The following EPHA4 variants were observed in gnomAD, a reference collection of about 807,000 sequenced individuals.
EPHA4 encodes the protein EPH receptor A4.
In EPHA4, 19 loss-of-function variants were observed where a neutral mutation model predicts 108.3. The ratio of observed to expected loss-of-function variants is 0.18; its 90% CI spans 0.12 to 0.26. The LOEUF is 0.26. Ranked by LOEUF, EPHA4 falls within the 10% of genes least tolerant of loss-of-function variation. The pLI, the probability that EPHA4 is intolerant of heterozygous loss-of-function variation, is 1.00. For missense variants in EPHA4, 917 were observed against 1,254.0 expected, an observed-to-expected ratio of 0.73 and a Z score of 4.06; for synonymous variants, 449 against 455.5, an observed-to-expected ratio of 0.99 and a Z score of 0.18.
At chr2:221,472,877 C>T (rs886361339) in intron 5 of EPHA4, among the ~76,000 whole-genome samples, 2 of 152,140 alleles carry the variant, frequency 1.3e-5, no homozygotes, top group Non-Finnish European at 2.9e-5. Context: ...AACCACAGTA[C>T]AGTTCGTTTA....
chr2:221,440,498 G>A (rs926356148), intron 11 of EPHA4, among the ~76,000 whole-genome samples: 4 of 152,060 alleles, frequency 2.6e-5, no homozygotes, highest in Admixed American at 2.0e-4. Context: ...ACAGGCAACA[G>A]AAAAATATCC....
In EPHA4 at chr2:221,455,571, A is replaced by G; in HGVS notation, c.1691T>C (p.Ile564Thr). The change falls in exon 8 of 18, where the codon ATT (isoleucine) becomes ACT (threonine). Residue 564 changes from isoleucine to threonine, a missense_variant. Around this residue, in one of 3 missense-constraint regions of EPHA4, gnomAD observed 758 missense variants for 1,076.7 expected, o/e 0.70. Transcript: ENST00000281821. ...CCTCCGGCTGATGACAAAAGCTGCA[A>G]TGAGAATTACCACCAGCACCACACT... Reference protein sequence around the residue: ...SGSVVLVVILIAAFVISRRRS... With the variant: ...SGSVVLVVILTAAFVISRRRS... 1.2e-6 allele frequency: 2 copies of G among 1,613,954 alleles called. No individual in the cohort carries two copies. The highest frequency in any genetic ancestry group is 1.1e-5 in the South Asian group (1 of 91,076).
intron 3 of EPHA4, among the ~76,000 whole-genome samples, chr2:221,522,983 G>T (rs1018293216): frequency 6.6e-6 from 1 of 151,916 alleles, no homozygotes; most frequent in Non-Finnish European, 1.5e-5. Context: ...AATTGGTCTC[G>T]AATTCCTGAC....
chr2:221,501,292 C>A, intron 3 of EPHA4, 120 bp from the exon 4 acceptor site: 6 of 882,650 alleles, frequency 6.8e-6, no homozygotes, highest in Non-Finnish European at 9.7e-6. Flanking sequence ...CATTAGCGAT[C>A]ATGTGGCTTG....
chr2:221,493,656 G>A (rs748355367), intron 4 of EPHA4, among the ~76,000 whole-genome samples: 16 of 152,144 alleles, frequency 1.1e-4, no homozygotes, highest in Non-Finnish European at 2.2e-4. Flanking sequence ...AGCATTAGCA[G>A]CGAGGGCTTT....
chr2:221,460,257 A>G (rs1237904975), intron 5 of EPHA4, among the ~76,000 whole-genome samples: 2 of 152,206 alleles, frequency 1.3e-5, no homozygotes, highest in African/African-American at 4.8e-5. Context: ...ATAAGGAGAG[A>G]CTGAAAGAGA....
At chr2:221,435,937 C>CAA (rs11419419) in intron 13 of EPHA4, among the ~76,000 whole-genome samples, 330 of 138,048 alleles carry the variant, frequency 2.4e-3, no homozygotes, top group South Asian at 0.01. Context: ...AAAACAACAA[C>CAA]AAAAAAAAAA....
At chr2:221,503,997 A>G (rs192231132) in intron 3 of EPHA4, among the ~76,000 whole-genome samples, 1 of 152,348 alleles carries the variant, frequency 6.6e-6, no homozygotes, top group East Asian at 1.9e-4. Context: ...ACTTACTAGC[A>G]TCTGAAAACT....
intron 8 of EPHA4, among the ~76,000 whole-genome samples, chr2:221,453,742 T>C (rs1402703562): frequency 6.6e-6 from 1 of 152,224 alleles, no homozygotes; most frequent in East Asian, 1.9e-4. Flanking sequence ...TATTCATAGA[T>C]TGTGCATGAA....
chr2:221,470,976 T>A (rs991116304), intron 5 of EPHA4, among the ~76,000 whole-genome samples: 3 of 152,098 alleles, frequency 2.0e-5, no homozygotes, highest in Admixed American at 6.6e-5. Flanking sequence ...ATTGTATTTT[T>A]ATTTTATTTT....
chr2:221,509,199 C>G (rs1226898769), intron 3 of EPHA4, among the ~76,000 whole-genome samples: 1 of 152,028 alleles, frequency 6.6e-6, no homozygotes, highest in African/African-American at 2.4e-5. Flanking sequence ...GTGGTGGCCC[C>G]TGCCTGTAAT....
intron 17 of EPHA4, among the ~76,000 whole-genome samples, chr2:221,422,340 A>G (rs868776906): frequency 1.3e-5 from 2 of 152,346 alleles, no homozygotes; most frequent in Admixed American, 1.3e-4. Flanking sequence ...GCTAGAGTGT[A>G]TTCCACGTCC....
intron 3 of EPHA4, among the ~76,000 whole-genome samples, chr2:221,534,966 C>T (rs1259505722): frequency 2.0e-5 from 3 of 152,244 alleles, no homozygotes; most frequent in Non-Finnish European, 4.4e-5. Context: ...TTCTAGCTGT[C>T]TGGGATTAAC....
intron 17 of EPHA4, among the ~76,000 whole-genome samples, chr2:221,422,493 A>G (rs1689787761): frequency 6.6e-6 from 1 of 152,202 alleles, no homozygotes; most frequent in South Asian, 2.1e-4. Flanking sequence ...ATATTACATA[A>G]ATATATTTGT....
chr2:221,543,529 A>C (rs1693898067), intron 3 of EPHA4, among the ~76,000 whole-genome samples: 1 of 152,134 alleles, frequency 6.6e-6, no homozygotes, highest in African/African-American at 2.4e-5. Context: ...TTTTTTACTA[A>C]ACCTGATAAC....
intron 3 of EPHA4, among the ~76,000 whole-genome samples, chr2:221,527,199 T>C (rs1276645637): frequency 1.3e-5 from 2 of 152,130 alleles, no homozygotes; most frequent in Non-Finnish European, 2.9e-5. Context: ...TTGTGGAAAT[T>C]GGATAAATTC....
Position 221,434,224 on chromosome 2 carries a change from C to T in EPHA4, c.2414G>A (p.Ser805Asn), listed in dbSNP as rs1273295450. The change falls in exon 14 of 18, where the codon AGT (serine) becomes AAT (asparagine). Residue 805 changes from serine to asparagine, a missense_variant. Transcript: ENST00000281821. ...AACGATTCCATAGCTCCATACATCA[C>T]TTGCTGATGTGAATTTACGATAGGC... ...AIAYRKFTSA[S>N]DVWSYGIVMW... The T allele has an allele frequency of 6.2e-7, 1 of 1,614,124 alleles. No individual in the cohort carries two copies. The highest frequency in any genetic ancestry group is 1.7e-5 in the Admixed American group (1 of 60,030).
chr2:221,484,253 T>G (rs1691914729), intron 4 of EPHA4, among the ~76,000 whole-genome samples: 1 of 152,182 alleles, frequency 6.6e-6, no homozygotes, highest in South Asian at 2.1e-4. Context: ...TATTCAATAT[T>G]TATTACATAG....
chr2:221,565,282 G>C (rs1156287444), intron 2 of EPHA4, among the ~76,000 whole-genome samples: 1 of 152,144 alleles, frequency 6.6e-6, no homozygotes, highest in Non-Finnish European at 1.5e-5. Context: ...CTAATGGTAG[G>C]ACAACTTGCG....
Sources: gnomAD v4.1 joint callset for allele counts (sites outside exome capture counted in the v4.1 genomes callset) on GRCh38, gnomAD v4.1.1 for gene constraint, gnomAD v4.1.1 regional missense constraint, MANE v1.5 for transcripts, NCBI Gene and HGNC (gene_info 2026-07-23, HGNC 2026-07-21) for gene names.